Variants in PLAC9 observed in about 807,000 individuals in gnomAD.
PLAC9 encodes placenta associated 9.
PLAC9 carries 12 observed loss-of-function variants against 11.5 expected under a neutral mutation model. The ratio of observed to expected loss-of-function variants is 1.05; its 90% confidence interval spans 0.67 to 1.69. PLAC9 has a LOEUF of 1.69. Among genes scored for constraint, PLAC9 ranks in the 40% most tolerant of loss-of-function variants. The probability of loss-of-function intolerance (pLI) is 0.00; values close to 1 mark genes in which losing one functional copy is unlikely to be tolerated. For synonymous variants in PLAC9, 62 were observed against 58.1 expected, an observed-to-expected ratio of 1.07 and a Z score of -0.31; for missense variants, 132 against 130.5, an observed-to-expected ratio of 1.01 and a Z score of -0.06.
At chr10:80,142,473 T>C (rs1845051646) in intron 2 of PLAC9, among the ~76,000 whole-genome samples, 1 of 152,166 alleles carries the variant, frequency 6.6e-6, no homozygotes, top group African/African-American at 2.4e-5. Context: ...TCCTAACTTG[T>C]GTGGGGAAAA....
At chr10:80,135,132 G>T (rs972975746) in intron 1 of PLAC9, among the ~76,000 whole-genome samples, 3 of 151,628 alleles carry the variant, frequency 2.0e-5, no homozygotes, top group African/African-American at 7.3e-5. Flanking sequence ...CCATTCTCCT[G>T]CCTCAGCCTC....
rs915102443 is a variant in PLAC9 at position 80,132,792 on chromosome 10, A to T, written c.30A>T (p.Gly10=). Residue 10 remains glycine, a synonymous_variant, in exon 1 of 4, where the codon GGA becomes GGT. Transcript: ENST00000372263. MRPLLCALT[G]LALLRAAGSL... ...GGCCCCTGCTCTGCGCGCTGACCGG[A>T]CTGGCCCTGCTCCGCGCCGCGGGCT... is the stretch of plus-strand genomic sequence containing the variant. 6 of 1,500,554 alleles carry T rather than the reference A, an allele frequency of 4.0e-6. No individual in the cohort carries two copies. Among genetic ancestry groups the T allele is most frequent in the Non-Finnish European group, 5.3e-6 (6 of 1,132,648 alleles). The allele number at this position is 1,500,554 out of a possible 1,614,324, so 93.0% of individuals were successfully genotyped here. A position where few individuals can be genotyped will look rare whatever the true frequency, so the allele number is the denominator to read the frequency against.
At chr10:80,144,859 G>A in intron 3 of PLAC9, 41 bp from the exon 4 acceptor site, 1 of 1,550,628 alleles carries the variant, frequency 6.4e-7, no homozygotes, top group South Asian at 1.2e-5. Context: ...GTACTCTGCG[G>A]CACCCCAGCT....
At chr10:80,143,953 G>C (rs34499346) in intron 2 of PLAC9, 1 of 462,468 alleles carries the variant, frequency 2.2e-6, no homozygotes. Context: ...GTCCAAAAGG[G>C]AGAAGGTATT....
intron 1 of PLAC9, among the ~76,000 whole-genome samples, chr10:80,140,375 C>T (rs1845026209): frequency 6.6e-6 from 1 of 152,196 alleles, no homozygotes; most frequent in South Asian, 2.1e-4. Flanking sequence ...CTCTGCTTTT[C>T]CACCACTCCT....
At chr10:80,132,860 G>A (rs752226916) in intron 1 of PLAC9, 34 bp downstream of exon 1, 7 of 1,459,292 alleles carry the variant, frequency 4.8e-6, no homozygotes, top group Middle Eastern at 2.4e-4. Context: ...AGGGGACCTG[G>A]AGCCGGGGAG....
chr10:80,138,964 T>TTTC (rs1167453035), intron 1 of PLAC9, among the ~76,000 whole-genome samples: 1 of 150,674 alleles, frequency 6.6e-6, no homozygotes, highest in Admixed American at 6.6e-5. Context: ...TTTTTTTTTT[T>TTTC]TTTTTGAGAC....
chr10:80,134,388 T>A (rs1246187666), intron 1 of PLAC9, among the ~76,000 whole-genome samples: 4 of 151,618 alleles, frequency 2.6e-5, no homozygotes, highest in Admixed American at 6.6e-5. Flanking sequence ...CTCAGCCTCC[T>A]GAGTAGCTGG....
intron 1 of PLAC9, among the ~76,000 whole-genome samples, chr10:80,137,065 C>T (rs1008336457): frequency 6.6e-6 from 1 of 152,196 alleles, no homozygotes; most frequent in Non-Finnish European, 1.5e-5. Flanking sequence ...AGGATGCTGG[C>T]AGTACAATGT....
At chr10:80,143,893 T>A (rs1462528658) in intron 2 of PLAC9, among the ~76,000 whole-genome samples, 2 of 152,110 alleles carry the variant, frequency 1.3e-5, no homozygotes, top group African/African-American at 4.8e-5. Flanking sequence ...TTGGCAGAGA[T>A]ACCACCAGGG....
intron 1 of PLAC9, among the ~76,000 whole-genome samples, chr10:80,134,356 C>T (rs1402363247): frequency 1.3e-5 from 2 of 151,580 alleles, no homozygotes; most frequent in African/African-American, 4.9e-5. Context: ...CTCCGTCTCC[C>T]GGGTTCAACT....
In PLAC9 at chr10:80,141,531, G is replaced by A. The variant is rs138694995; in HGVS notation, c.65-551G>A. 8.3e-3 allele frequency among the ~76,000 whole-genome samples: 1,268 copies of A among 152,216 alleles called. 19 individuals carry two copies. The highest frequency in any genetic ancestry group is 0.029 in the African/African-American group (1,203 of 41,518). On this transcript the variant is annotated intron_variant, in intron 1 of 3. Transcript: ENST00000372263. ...GGAGAATCGCTTGAACCCAGGAGGC[G>A]GAGGTTGGAGTGAGCTGAGATCGCA... is the stretch of plus-strand genomic sequence containing the variant.
intron 1 of PLAC9, among the ~76,000 whole-genome samples, chr10:80,141,564 A>C (rs1353124097): frequency 1.3e-5 from 2 of 152,086 alleles, no homozygotes; most frequent in Non-Finnish European, 2.9e-5. Flanking sequence ...GCACCATTGC[A>C]CTCCAGCCTG....
chr10:80,137,231 C>T (rs1844989665), intron 1 of PLAC9, among the ~76,000 whole-genome samples: 1 of 152,188 alleles, frequency 6.6e-6, no homozygotes, highest in Non-Finnish European at 1.5e-5. Flanking sequence ...CAGCCTTTTC[C>T]CTGGAGGGGT....
At chr10:80,132,623 G>T, upstream of PLAC9, 1 of 612,538 alleles carries the variant, frequency 1.6e-6, no homozygotes, top group Middle Eastern at 4.8e-4. Flanking sequence ...GGAGGGGGCG[G>T]GTTCTCTCGA....
rs369725665 is a variant in PLAC9 at position 80,142,199 on chromosome 10, G to A, written c.162+20G>A. 1.9e-6 allele frequency: 3 copies of A among 1,581,534 alleles called. No homozygotes were observed. The highest frequency in any genetic ancestry group is 2.6e-6 in the Non-Finnish European group (3 of 1,153,698). On this transcript the variant is annotated intron_variant, in intron 2 of 3. Coordinates refer to ENST00000372263, the MANE Select transcript of PLAC9 (RefSeq NM_001012973.3). Reference sequence around the variant, plus strand: ...GAGGAGGTAACAGGGTGGTTTGGAAGGACATGCGAGTTCAGGACCACCTTC... The same window carrying A: ...GAGGAGGTAACAGGGTGGTTTGGAAAGACATGCGAGTTCAGGACCACCTTC...
chr10:80,132,033 T>G (rs1233629282), upstream of PLAC9, among the ~76,000 whole-genome samples: 1 of 152,258 alleles, frequency 6.6e-6, no homozygotes, highest in Non-Finnish European at 1.5e-5. Context: ...AGGGGAAGTT[T>G]CCACTACTGT....
At chr10:80,139,751 A>G (rs1845019048) in intron 1 of PLAC9, among the ~76,000 whole-genome samples, 1 of 151,578 alleles carries the variant, frequency 6.6e-6, no homozygotes, top group Admixed American at 6.6e-5. Context: ...TTTTTTTTTA[A>G]CTTAAAATTT....
chr10:80,133,804 C>T (rs1158201505), intron 1 of PLAC9, among the ~76,000 whole-genome samples: 2 of 151,946 alleles, frequency 1.3e-5, no homozygotes, highest in African/African-American at 4.8e-5. Context: ...ATTAATCGGG[C>T]GTGGTGGCAC....
Sources: allele counts gnomAD v4.1 joint callset (sites outside exome capture counted in the v4.1 genomes callset), GRCh38; gene constraint gnomAD v4.1.1; transcripts MANE v1.5; gene names NCBI Gene and HGNC (gene_info 2026-07-23, HGNC 2026-07-21).